CTNNA2: variants seen among roughly 807,000 people sequenced by gnomAD.
The protein encoded by CTNNA2 is catenin alpha-2.
Under a neutral mutation model 101.0 loss-of-function variants are expected in CTNNA2, and 42 were observed. The ratio of observed to expected loss-of-function variants is 0.42; its 90% CI spans 0.32 to 0.54. The LOEUF is 0.54. CTNNA2 is among the 20% of genes least tolerant of loss of function. The probability of loss-of-function intolerance (pLI) is 0.14; values close to 1 mark genes in which losing one functional copy is unlikely to be tolerated. For synonymous variants in CTNNA2, 450 were observed against 456.4 expected (o/e 0.99, Z 0.18); for missense variants, 871 against 1,223.1 (o/e 0.71, Z 4.29).
intron 7 of CTNNA2, among the ~76,000 whole-genome samples, chr2:80,091,451 A>C (rs1268159652): frequency 1.3e-5 from 2 of 152,216 alleles, no homozygotes; most frequent in East Asian, 3.9e-4. Flanking sequence ...ATCAGTCAAA[A>C]ATGCTAAGAT....
chr2:79,790,332 G>A (rs1348886798), intron 3 of CTNNA2, among the ~76,000 whole-genome samples: 1 of 152,054 alleles, frequency 6.6e-6, no homozygotes, highest in African/African-American at 2.4e-5. Context: ...AGGAGTTGAC[G>A]ATGTCAAAGG....
chr2:80,322,750 C>T (rs1037365091), intron 7 of CTNNA2, among the ~76,000 whole-genome samples: 3 of 152,204 alleles, frequency 2.0e-5, no homozygotes, highest in Non-Finnish European at 4.4e-5. Flanking sequence ...CCTCACTCAG[C>T]ATGTGAGAGA....
chr2:79,305,403 T>A (rs1243813136), intron 2 of CTNNA2, among the ~76,000 whole-genome samples: 2 of 149,346 alleles, frequency 1.3e-5, no homozygotes, highest in Non-Finnish European at 3.0e-5. Context: ...TCTGCATGTA[T>A]ACAGGTAAAT....
chr2:79,751,593 C>CAAAAAA (rs397985098), intron 3 of CTNNA2, among the ~76,000 whole-genome samples: 63 of 68,858 alleles, frequency 9.1e-4, no homozygotes, highest in Non-Finnish European at 1.3e-3. Context: ...GACTCCATCT[C>CAAAAAA]AAAAAAAAAA....
chr2:79,773,522 C>T (rs552995230), intron 3 of CTNNA2, among the ~76,000 whole-genome samples: 36 of 152,224 alleles, frequency 2.4e-4, no homozygotes, highest in African/African-American at 8.4e-4. Flanking sequence ...TTCTGATAAG[C>T]CTTTCCAAAG....
rs530889251 is a variant in CTNNA2, at chr2:79,288,454, A to T, written c.-405-24255A>T. 4.6e-5 allele frequency among the ~76,000 whole-genome samples: 7 copies of T among 152,208 alleles called. No individual in the cohort carries two copies. The South Asian group carries it at 1.5e-3, about 32-fold the overall frequency. On this transcript the variant is annotated intron_variant, in intron 2 of 21. Coordinates refer to the CTNNA2 transcript ENST00000466387. ...TCGCTTGGAGTCTCTCATTGATGGAATTCAGGTAACTGCTGTAGCTGAAGC... is the reference window on the plus strand; with the variant it reads ...TCGCTTGGAGTCTCTCATTGATGGATTTCAGGTAACTGCTGTAGCTGAAGC...
chr2:79,411,606 A>G (rs1292477025), intron 4 of CTNNA2, among the ~76,000 whole-genome samples: 1 of 152,226 alleles, frequency 6.6e-6, no homozygotes, highest in East Asian at 1.9e-4. Flanking sequence ...TTCTTAAAGA[A>G]AAGAATTTTC....
intron 7 of CTNNA2, among the ~76,000 whole-genome samples, chr2:80,085,879 G>A (rs1229491616): frequency 1.3e-5 from 2 of 151,980 alleles, no homozygotes; most frequent in East Asian, 1.9e-4. Flanking sequence ...TCTATGTAAC[G>A]CAAAAGACTG....
chr2:79,193,797 T>A (rs1419344510), intron 1 of CTNNA2, among the ~76,000 whole-genome samples: 2 of 152,182 alleles, frequency 1.3e-5, no homozygotes, highest in East Asian at 3.9e-4. Flanking sequence ...TAAAAGACAA[T>A]TTATTTATTG....
intron 3 of CTNNA2, among the ~76,000 whole-genome samples, chr2:79,783,368 G>A (rs6547281): frequency 0.024 from 3,581 of 152,256 alleles, 140 homozygotes; most frequent in African/African-American, 0.083. Flanking sequence ...AGCAGAAGTG[G>A]AATCTCTACT....
intron 7 of CTNNA2, among the ~76,000 whole-genome samples, chr2:80,204,517 C>T (rs1216961498): frequency 1.3e-5 from 2 of 152,202 alleles, no homozygotes; most frequent in African/African-American, 4.8e-5. Flanking sequence ...CACCTTTGCT[C>T]CAGTTCCCAA....
At chr2:79,863,818 G>A (rs1378266940) in intron 4 of CTNNA2, among the ~76,000 whole-genome samples, 1 of 152,132 alleles carries the variant, frequency 6.6e-6, no homozygotes. Flanking sequence ...AGTCACTAAG[G>A]TGCCACACAA....
chr2:79,700,340 A>T (rs1684921365), intron 2 of CTNNA2, among the ~76,000 whole-genome samples: 1 of 152,098 alleles, frequency 6.6e-6, no homozygotes, highest in South Asian at 2.1e-4. Flanking sequence ...AGCATTTCTG[A>T]TGCTGATGCT....
At chr2:79,844,318 T>C (rs779716886) in intron 3 of CTNNA2, among the ~76,000 whole-genome samples, 9 of 152,292 alleles carry the variant, frequency 5.9e-5, no homozygotes. Flanking sequence ...TTATTTTCAG[T>C]TTAACAATAG....
intron 13 of CTNNA2, among the ~76,000 whole-genome samples, chr2:80,577,868 T>C (rs1015125888): frequency 6.6e-6 from 1 of 152,148 alleles, no homozygotes; most frequent in Non-Finnish European, 1.5e-5. Flanking sequence ...TTTGGGCCGT[T>C]TCTTTCAATG....
chr2:80,170,203 C>G (rs1178667340), intron 7 of CTNNA2, among the ~76,000 whole-genome samples: 1 of 150,414 alleles, frequency 6.6e-6, no homozygotes, highest in African/African-American at 2.5e-5. Flanking sequence ...CTCTCTCTCT[C>G]TCTCTATCTC....
intron 7 of CTNNA2, among the ~76,000 whole-genome samples, chr2:80,225,736 T>C (rs1189557572): frequency 1.3e-5 from 2 of 152,218 alleles, no homozygotes; most frequent in African/African-American, 4.8e-5. Context: ...AATTAGATTT[T>C]ATTAAAATAG....
intron 7 of CTNNA2, among the ~76,000 whole-genome samples, chr2:80,068,197 C>T (rs1173645470): frequency 6.6e-6 from 1 of 152,096 alleles, no homozygotes; most frequent in Non-Finnish European, 1.5e-5. Context: ...GCTGAGGATG[C>T]CAAAGAGCAA....
intron 7 of CTNNA2, among the ~76,000 whole-genome samples, chr2:80,340,514 T>A (rs889515061): frequency 2.0e-5 from 3 of 152,096 alleles, no homozygotes; most frequent in Non-Finnish European, 4.4e-5. Flanking sequence ...AAGAATTGAG[T>A]CTCTTCCCAT....
Sources: gnomAD v4.1 joint callset for allele counts (sites outside exome capture counted in the v4.1 genomes callset) on GRCh38, gnomAD v4.1.1 for gene constraint, MANE v1.5 for transcripts, NCBI Gene and HGNC (gene_info 2026-07-23, HGNC 2026-07-21) for gene names.